ITGA8: variants seen among roughly 807,000 people sequenced by gnomAD.
ITGA8 encodes integrin subunit alpha 8, also known as integrin alpha-8.
Under a neutral mutation model 142.3 loss-of-function variants are expected in ITGA8, and 91 were observed. That is an observed-to-expected ratio of 0.64 (90% CI 0.54 to 0.76). The LOEUF (loss-of-function observed/expected upper bound fraction) is 0.76, where lower values mean the gene tolerates loss of function less well. Among genes scored for constraint, ITGA8 ranks in the 30% least tolerant of loss-of-function variants. The pLI, the probability that ITGA8 is intolerant of heterozygous loss-of-function variation, is 0.00. For synonymous variants in ITGA8, 505 were observed against 485.2 expected, an observed-to-expected ratio of 1.04 and a Z score of -0.54; for missense variants, 1,406 against 1,327.7, an observed-to-expected ratio of 1.06 and a Z score of -0.92.
chr10:15,537,741 T>C (rs1833476531), intron 27 of ITGA8, among the ~76,000 whole-genome samples: 1 of 152,182 alleles, frequency 6.6e-6, no homozygotes, highest in Non-Finnish European at 1.5e-5. Context: ...TGCTCAAAAG[T>C]AACAGGAGGA....
intron 23 of ITGA8, among the ~76,000 whole-genome samples, chr10:15,584,912 C>T (rs1270032290): frequency 6.6e-6 from 1 of 152,022 alleles, no homozygotes; most frequent in Non-Finnish European, 1.5e-5. Flanking sequence ...CAAAAATTAG[C>T]CGGGCGTGGT....
At chr10:15,617,555 C>T (rs184353485) in intron 13 of ITGA8, among the ~76,000 whole-genome samples, 21 of 152,268 alleles carry the variant, frequency 1.4e-4, no homozygotes, top group African/African-American at 4.1e-4. Flanking sequence ...CCTGCCACAA[C>T]GCCTGGCTGA....
intron 7 of ITGA8, among the ~76,000 whole-genome samples, chr10:15,671,879 C>CAAAA (rs34588118): frequency 2.6e-3 from 211 of 79,662 alleles, no homozygotes; most frequent in African/African-American, 4.5e-3. Context: ...AGGAGCAAAG[C>CAAAA]AAAAAAAAAA....
chr10:15,596,974 G>A, intron 21 of ITGA8: 1 of 462,620 alleles, frequency 2.2e-6, no homozygotes, highest in East Asian at 3.2e-5. Flanking sequence ...ACAGGCAAGA[G>A]TAATGTATAA....
chr10:15,683,900 C>G, intron 4 of ITGA8, 104 bp downstream of exon 4: 1 of 1,386,886 alleles, frequency 7.2e-7, no homozygotes, highest in Non-Finnish European at 9.9e-7. Flanking sequence ...TTTTTCCTTG[C>G]AACCCTGTAA....
rs541974670 is a variant in ITGA8, at chr10:15,634,198, C to T, written c.1399+9832G>A. Among the ~76,000 whole-genome samples the T allele has an allele frequency of 7.2e-4, 110 of 152,272 alleles. 2 individuals carry two copies. The highest frequency in any genetic ancestry group is 2.5e-3 in the African/African-American group (103 of 41,554). On this transcript the variant is annotated intron_variant, in intron 13 of 29. Coordinates refer to ENST00000378076, the MANE Select transcript of ITGA8 (RefSeq NM_003638.3). ...TTCATTATTTTGTACCCTCTTAAAGCTCTTCTCATCTGCTGCTTATATTAC... is the reference window on the plus strand; with the variant it reads ...TTCATTATTTTGTACCCTCTTAAAGTTCTTCTCATCTGCTGCTTATATTAC...
chr10:15,643,870 A>G (rs936470967), intron 13 of ITGA8, among the ~76,000 whole-genome samples, 160 bp downstream of exon 13: 2 of 152,212 alleles, frequency 1.3e-5, no homozygotes, highest in Admixed American at 1.3e-4. Flanking sequence ...TCAAGTTCTC[A>G]TGAAAGTCGC....
intron 5 of ITGA8, among the ~76,000 whole-genome samples, chr10:15,678,265 A>G (rs1332497150): frequency 1.3e-5 from 2 of 152,200 alleles, no homozygotes; most frequent in Non-Finnish European, 1.5e-5. Flanking sequence ...TTTCAAAACC[A>G]CAGAATCTTT....
rs749577118 is a variant in ITGA8 at position 15,672,579 on chromosome 10, C to G, written c.802+45G>C. On this transcript the variant is annotated intron_variant, in intron 7 of 29. Transcript: ENST00000378076. ...AAAACTTGCATCTACATTTACTATG[C>G]TTGTCTTTTGAAAAACCACAAATGT... 2.5e-6 allele frequency: 4 copies of G among 1,574,956 alleles called. No homozygotes were observed. The South Asian group carries it at 4.8e-5, about 19-fold the overall frequency.
chr10:15,639,297 C>G (rs942065552), intron 13 of ITGA8, among the ~76,000 whole-genome samples: 1 of 152,034 alleles, frequency 6.6e-6, no homozygotes, highest in Non-Finnish European at 1.5e-5. Context: ...CAGTTCTTGG[C>G]AAAAGAGAAA....
At chr10:15,539,242 G>A (rs919180210) in intron 27 of ITGA8, among the ~76,000 whole-genome samples, 2 of 152,224 alleles carry the variant, frequency 1.3e-5, no homozygotes, top group South Asian at 4.1e-4. Flanking sequence ...CTGATTGAAT[G>A]TCACTAAGGG....
At chr10:15,608,424 C>CA in intron 15 of ITGA8, 134 bp from the exon 16 acceptor site, 3 of 536,380 alleles carry the variant, frequency 5.6e-6, no homozygotes, top group Non-Finnish European at 6.5e-6. Context: ...CACACACACA[C>CA]CCACACACAC....
In ITGA8 at chr10:15,591,070, T is replaced by C. The variant is rs547913836; in HGVS notation, c.2291+1155A>G. On this transcript the variant is annotated intron_variant, in intron 22 of 29. Transcript: ENST00000378076. The stretch of plus-strand genomic sequence containing the variant: ...TTTATTGAAGTAGCTATTTAAAAAT[T>C]AATCCATTGCATGGAGTCATTATTC... Among the ~76,000 whole-genome samples, 3 of 152,322 alleles carry C rather than the reference T, an allele frequency of 2.0e-5. No homozygotes were observed. The East Asian group carries it at 5.8e-4, about 29-fold the overall frequency.
intron 13 of ITGA8, among the ~76,000 whole-genome samples, chr10:15,626,599 C>T (rs1055388724): frequency 3.3e-5 from 5 of 152,008 alleles, no homozygotes; most frequent in East Asian, 3.9e-4. Context: ...ATTCCCTTGT[C>T]GTGAAACAAT....
At chr10:15,690,451 T>C (rs747118619) in intron 2 of ITGA8, among the ~76,000 whole-genome samples, 4 of 152,066 alleles carry the variant, frequency 2.6e-5, no homozygotes, top group Non-Finnish European at 5.9e-5. Context: ...TACAGGTGAG[T>C]GCTGCAGTCA....
intron 8 of ITGA8, among the ~76,000 whole-genome samples, chr10:15,663,523 A>G (rs993810335): frequency 2.0e-5 from 3 of 150,786 alleles, no homozygotes; most frequent in African/African-American, 7.3e-5. Context: ...ATCATTATTT[A>G]TTTTCTTGGG....
chr10:15,684,026 G>C lies in ITGA8; in HGVS notation c.546C>G (p.Ala182=), dbSNP rs1401037874. The part of the protein sequence containing the change: ...YVAIQNFSAY[A]EFSPCRNSNA... The stretch of plus-strand genomic sequence containing the variant: ...TACTGTTCCGGCAAGGAGAGAACTC[G>C]GCATAGGCGCTGAAGTTCTGAATTG... The change falls in exon 4 of 30, where the codon GCC becomes GCG. Residue 182 remains alanine (A), a synonymous_variant. Coordinates refer to ENST00000378076, the MANE Select transcript of ITGA8 (RefSeq NM_003638.3). The C allele has an allele frequency of 6.2e-7, 1 of 1,614,148 alleles. No homozygotes were observed. The highest frequency in any genetic ancestry group is 1.3e-5 in the African/African-American group (1 of 75,046).
intron 13 of ITGA8, among the ~76,000 whole-genome samples, chr10:15,634,547 G>A (rs1029836120): frequency 6.6e-6 from 1 of 152,132 alleles, no homozygotes; most frequent in African/African-American, 2.4e-5. Flanking sequence ...GTGAGAGCAG[G>A]ATCTTTGTTT....
chr10:15,521,346 T>C (rs550459550), intron 28 of ITGA8, among the ~76,000 whole-genome samples: 6 of 152,218 alleles, frequency 3.9e-5, no homozygotes, highest in East Asian at 1.9e-4. Context: ...TTAACTAGAG[T>C]TGAGCGCCCT....
Sources: gnomAD v4.1 joint callset for allele counts (sites outside exome capture counted in the v4.1 genomes callset) on GRCh38, gnomAD v4.1.1 for gene constraint, MANE v1.5 for transcripts, NCBI Gene and HGNC (gene_info 2026-07-23, HGNC 2026-07-21) for gene names.